The following DRC3 variants were observed in gnomAD, a reference collection of about 807,000 sequenced individuals.
DRC3 encodes dynein regulatory complex subunit 3, also known as leucine rich repeat containing 48.
A neutral mutation model predicts 57.6 loss-of-function variants in DRC3; 45 were observed. The observed-to-expected ratio is 0.78, with a 90% CI of 0.62 to 1.00. The LOEUF (loss-of-function observed/expected upper bound fraction) is 1.00. DRC3 is among the 50% of genes least tolerant of loss of function. The pLI is 0.00. For missense variants in DRC3, 655 were observed against 675.2 expected (o/e 0.97, Z 0.33); for synonymous variants, 257 against 272.3 (o/e 0.94, Z 0.55).
chr17:18,006,982 G>T, intron 11 of DRC3, 42 bp from the exon 12 acceptor site: 1 of 1,609,800 alleles, frequency 6.2e-7, no homozygotes, highest in Non-Finnish European at 8.5e-7. Flanking sequence ...GGGACGCGCC[G>T]GGCCTGCTCC....
chr17:17,976,843 C>T (rs1210966024), intron 2 of DRC3, among the ~76,000 whole-genome samples: 3 of 152,094 alleles, frequency 2.0e-5, no homozygotes, highest in East Asian at 1.9e-4. Flanking sequence ...TCTGTCTGTC[C>T]TTTGTCTTTT....
At chr17:17,990,028 T>C (rs1386232444) in intron 5 of DRC3, among the ~76,000 whole-genome samples, 1 of 152,256 alleles carries the variant, frequency 6.6e-6, no homozygotes, top group Non-Finnish European at 1.5e-5. Context: ...CTCTGGGCTC[T>C]GCCATCCTCA....
Position 17,983,944 on chromosome 17 carries a change from G to A in DRC3, c.277G>A (p.Asp93Asn). 1.9e-6 allele frequency: 3 copies of A among 1,599,186 alleles called. No homozygotes were observed. The highest frequency in any genetic ancestry group is 2.6e-6 in the Non-Finnish European group (3 of 1,167,118). The change falls in exon 4 of 14, where the codon GAT becomes AAT. Residue 93 changes from aspartate (D) to asparagine (N), a missense_variant and splice_region_variant. Coordinates refer to ENST00000399187, the MANE Select transcript of DRC3 (RefSeq NM_031294.4). ...LENLAHLVWLDLSFNNIETIE... is the reference protein window; with the variant it reads ...LENLAHLVWLNLSFNNIETIE... ...GAACCTCGCACACCTGGTCTGGCTG[G>A]GTAAGGCCCTTTCCTCTGTGTGTCC... is the stretch of plus-strand genomic sequence containing the variant.
intron 6 of DRC3, 96 bp from the exon 7 acceptor site, chr17:17,994,203 T>C: frequency 2.7e-6 from 4 of 1,484,154 alleles, no homozygotes; most frequent in Non-Finnish European, 3.6e-6. Flanking sequence ...CCCCTGCCCA[T>C]GCGCGGGAGG....
Position 18,006,186 on chromosome 17 carries a change from A to C in DRC3, c.1135A>C (p.Thr379Pro). 1 of 1,608,728 alleles carries C rather than the reference A, an allele frequency of 6.2e-7. No homozygotes were observed. The highest frequency in any genetic ancestry group is 1.1e-5 in the South Asian group (1 of 90,650). The change falls in exon 11 of 14, where the codon ACT becomes CCT. Residue 379 changes from threonine (T) to proline (P), a missense_variant. Transcript: ENST00000399187. ...CTGTGTTCTTTAACATTTCCAGGAG[A>C]CTATAAACATGTTTGAAAGGAACAT... ...EMQLVEQLEE[T>P]INMFERNIVD... is the part of the protein sequence containing the mutation.
intron 9 of DRC3, 67 bp from the exon 10 acceptor site, chr17:18,004,296 A>G (rs777150343): frequency 3.3e-5 from 50 of 1,528,800 alleles, no homozygotes; most frequent in Non-Finnish European, 4.1e-5. Flanking sequence ...ACAAAACCAA[A>G]TTGCCACCTG....
At chr17:18,002,265 T>C (rs2043766877) in intron 9 of DRC3, among the ~76,000 whole-genome samples, 1 of 152,226 alleles carries the variant, frequency 6.6e-6, no homozygotes, top group Non-Finnish European at 1.5e-5. Context: ...ATGTAAGGCT[T>C]GAGGTAGGGA....
At chr17:17,988,795 C>T (rs893208960) in intron 5 of DRC3, among the ~76,000 whole-genome samples, 1 of 152,108 alleles carries the variant, frequency 6.6e-6, no homozygotes, top group Non-Finnish European at 1.5e-5. Context: ...GGTGAGTGAC[C>T]TGGGAGGGTC....
intron 5 of DRC3, 190 bp downstream of exon 5, chr17:17,988,288 A>G (rs547105782): frequency 1.6e-5 from 10 of 622,228 alleles, no homozygotes; most frequent in South Asian, 1.2e-4. Flanking sequence ...TTACCCAACA[A>G]AATTCATCGG....
chr17:17,973,068 G>A (rs1261351742), intron 1 of DRC3, 94 bp downstream of exon 1: 1 of 152,072 alleles, frequency 6.6e-6, no homozygotes, highest in Non-Finnish European at 1.5e-5. Flanking sequence ...GGAGAACGCC[G>A]GCCCGGCCCT....
Position 17,991,284 on chromosome 17 carries a change from CTTTTTT to C in DRC3, c.445-1462_445-1457del, listed in dbSNP as rs751138192. On this transcript the variant is annotated intron_variant, in intron 5 of 13. Transcript: ENST00000399187. ...CTAGATGCTATCCAATGAAGTATTG[CTTTTTT>C]TTTTTTTTTTTTTTTTTTGAGAAGG... Among the ~76,000 whole-genome samples, 23 of 74,000 alleles carry C rather than the reference CTTTTTT, an allele frequency of 3.1e-4. 1 individual carries two copies. Among genetic ancestry groups the C allele is most frequent in the East Asian group, 4.4e-4 (1 of 2,292 alleles). The allele number at this position is 74,000 out of a possible 152,430, so 48.5% of individuals were successfully genotyped here. A position where few individuals can be genotyped will look rare whatever the true frequency, so the allele number is the denominator to read the frequency against.
At chr17:17,983,772 A>G in intron 3 of DRC3, 56 bp from the exon 4 acceptor site, 2 of 1,300,526 alleles carry the variant, frequency 1.5e-6, no homozygotes, top group Non-Finnish European at 2.2e-6. Context: ...CCTCCTGTAC[A>G]CTAGCACAAA....
intron 9 of DRC3, among the ~76,000 whole-genome samples, chr17:18,000,173 T>A (rs1040228908): frequency 1.4e-5 from 2 of 143,582 alleles, no homozygotes; most frequent in African/African-American, 5.3e-5. Flanking sequence ...TAGCATGCCC[T>A]GTTCTGTACT....
At chr17:17,976,687 TAATTA>T (rs2042403444) in intron 2 of DRC3, among the ~76,000 whole-genome samples, 2 of 151,960 alleles carry the variant, frequency 1.3e-5, no homozygotes, top group African/African-American at 4.8e-5. Context: ...AAAAATAAAT[TAATTA>T]AATTAAAAAA....
intron 3 of DRC3, among the ~76,000 whole-genome samples, chr17:17,983,496 T>C (rs183620113): frequency 1.3e-5 from 2 of 152,296 alleles, no homozygotes; most frequent in East Asian, 3.9e-4. Flanking sequence ...ACCAGCCTCC[T>C]GGAGAGTCCC....
chr17:17,974,751 CT>C (rs1196980136), intron 2 of DRC3, among the ~76,000 whole-genome samples: 3 of 151,880 alleles, frequency 2.0e-5, no homozygotes, highest in African/African-American at 7.3e-5. Flanking sequence ...CCAGGTGCCC[CT>C]AATGTACAAT....
At chr17:17,989,747 G>A (rs933360738) in intron 5 of DRC3, among the ~76,000 whole-genome samples, 7 of 152,198 alleles carry the variant, frequency 4.6e-5, no homozygotes, top group Admixed American at 2.0e-4. Context: ...TTTGATTCCC[G>A]CAACAGCTGA....
chr17:18,014,098 A>G (rs2044269078), intron 12 of DRC3, among the ~76,000 whole-genome samples: 1 of 152,056 alleles, frequency 6.6e-6, no homozygotes, highest in Admixed American at 6.5e-5. Flanking sequence ...ATGCCCAGCT[A>G]ATTTTTGTAT....
intron 8 of DRC3, 71 bp downstream of exon 8, chr17:17,995,182 C>G: frequency 9.3e-7 from 1 of 1,074,358 alleles, no homozygotes; most frequent in Non-Finnish European, 1.4e-6. Flanking sequence ...CCCTTCCGCT[C>G]TAGGCCTCAG....
Sources: allele counts gnomAD v4.1 joint callset (sites outside exome capture counted in the v4.1 genomes callset), GRCh38; gene constraint gnomAD v4.1.1; transcripts MANE v1.5; gene names NCBI Gene and HGNC (gene_info 2026-07-23, HGNC 2026-07-21).